Variants in CNIH3 observed in about 807,000 individuals in gnomAD.
CNIH3 encodes the protein protein cornichon homolog 3.
A neutral mutation model predicts 24.1 loss-of-function variants in CNIH3; 14 were observed. The ratio of observed to expected loss-of-function variants is 0.58; its 90% CI spans 0.38 to 0.91. The LOEUF is 0.91. Ranked by LOEUF, CNIH3 falls within the 40% of genes least tolerant of loss-of-function variation. CNIH3 has a pLI of 0.00. For synonymous variants in CNIH3, 68 were observed against 73.8 expected (o/e 0.92, Z 0.40); for missense variants, 178 against 196.8 (o/e 0.90, Z 0.57).
At position 224,704,205 on chromosome 1, in the gene CNIH3, A is replaced by C. The variant is rs985123251; in HGVS notation, c.198+19362A>C. Among the ~76,000 whole-genome samples, 3 of 151,244 alleles carry C rather than the reference A, an allele frequency of 2.0e-5. No homozygotes were observed. The highest frequency in any genetic ancestry group is 1.5e-5 in the Non-Finnish European group (1 of 68,034). ...ACAGAGCAGGACCTCCATGAGTCTC[A>C]GGTCATCAAAGAGGAGTGGAGACAC... On this transcript the variant is annotated intron_variant, in intron 3 of 5. Coordinates refer to ENST00000272133, the MANE Select transcript of CNIH3 (RefSeq NM_152495.2). This position sits in a 1 kb window ranked among gnomAD's most constrained non-coding sequence, Gnocchi z 4.2.
intron 3 of CNIH3, among the ~76,000 whole-genome samples, chr1:224,565,058 C>T (rs1464021519): frequency 1.3e-5 from 2 of 152,160 alleles, no homozygotes; most frequent in Non-Finnish European, 2.9e-5. Flanking sequence ...CAGTTGATTC[C>T]ATTTATCACA....
intron 3 of CNIH3, among the ~76,000 whole-genome samples, chr1:224,692,526 C>T (rs552948818): frequency 6.6e-6 from 1 of 152,286 alleles, no homozygotes. Context: ...GAGAGACCAT[C>T]CTTGACGCAG....
intron 3 of CNIH3, among the ~76,000 whole-genome samples, chr1:224,549,113 G>A (rs1403005073): frequency 3.9e-5 from 6 of 151,986 alleles, no homozygotes; most frequent in African/African-American, 7.2e-5. Context: ...ATATCAGAGC[G>A]ATGATATTTC....
chr1:224,442,534 G>T (rs1222849158), intron 1 of CNIH3, among the ~76,000 whole-genome samples: 1 of 152,118 alleles, frequency 6.6e-6, no homozygotes, highest in East Asian at 1.9e-4. Context: ...GTGCCCAGTT[G>T]TTCCATTCTT....
At chr1:224,438,130 T>C (rs558523125) in intron 1 of CNIH3, among the ~76,000 whole-genome samples, 1 of 152,228 alleles carries the variant, frequency 6.6e-6, no homozygotes, top group East Asian at 1.9e-4. Flanking sequence ...TTCACCGTGT[T>C]AGCCAAGATG....
rs374459851 is a variant in CNIH3, at chr1:224,681,036, G to A, written c.150+10G>A. On this transcript the variant is annotated intron_variant, in intron 2 of 5. Coordinates refer to ENST00000272133, the MANE Select transcript of CNIH3 (RefSeq NM_152495.2). ...CAATCCTGTTCATGCGGTAAGTGGC[G>A]GGTACTGGTGAGGGGAAGGTGCTAT... 39 of 1,613,188 alleles carry A rather than the reference G, an allele frequency of 2.4e-5. No individual in the cohort carries two copies. The highest frequency in any genetic ancestry group is 1.7e-4 in the Middle Eastern group (1 of 6,060).
chr1:224,638,861 GC>G (rs1165943780), intron 1 of CNIH3, among the ~76,000 whole-genome samples: 1 of 152,124 alleles, frequency 6.6e-6, no homozygotes, highest in African/African-American at 2.4e-5. Flanking sequence ...CCTGTAACAT[GC>G]CATTATTTAT....
At chr1:224,547,158 G>A (rs1184906265) in intron 3 of CNIH3, among the ~76,000 whole-genome samples, 1 of 152,220 alleles carries the variant, frequency 6.6e-6, no homozygotes, top group African/African-American at 2.4e-5. Context: ...CAATTTGGCA[G>A]ATGACTGGGG....
chr1:224,606,111 T>C (rs1682408161), intron 3 of CNIH3, among the ~76,000 whole-genome samples: 1 of 152,098 alleles, frequency 6.6e-6, no homozygotes, highest in African/African-American at 2.4e-5. Context: ...CTGTGTGGTC[T>C]CGCGGCAGTG....
At chr1:224,716,621 C>A (rs1481866118) in intron 3 of CNIH3, among the ~76,000 whole-genome samples, 2 of 151,980 alleles carry the variant, frequency 1.3e-5, no homozygotes, top group Middle Eastern at 6.8e-3. Context: ...GAATGGGGTA[C>A]AGTGTGGGGA....
At chr1:224,515,173 C>T (rs1030265742), upstream of CNIH3, among the ~76,000 whole-genome samples, 4 of 152,114 alleles carry the variant, frequency 2.6e-5, no homozygotes, top group African/African-American at 4.8e-5. Flanking sequence ...AGGGTCTGGG[C>T]GGGGGTCTAG....
chr1:224,570,109 TA>T (rs1279556328), intron 4 of CNIH3, among the ~76,000 whole-genome samples: 12 of 152,176 alleles, frequency 7.9e-5, no homozygotes, highest in Non-Finnish European at 1.3e-4. Context: ...TGGATATGGA[TA>T]CTTATGTTTC....
chr1:224,700,777 C>G (rs923460693), intron 3 of CNIH3, among the ~76,000 whole-genome samples: 2 of 152,156 alleles, frequency 1.3e-5, no homozygotes, highest in African/African-American at 4.8e-5. Context: ...GAGCCTGTCC[C>G]CTGGACCTAG....
intron 1 of CNIH3, among the ~76,000 whole-genome samples, chr1:224,517,928 C>T (rs886284019): frequency 6.6e-6 from 1 of 152,044 alleles, no homozygotes; most frequent in Admixed American, 6.6e-5. Flanking sequence ...ATGGGGGTGC[C>T]TTGAGGAGGG....
chr1:224,690,825 G>A (rs1029058799), intron 3 of CNIH3, among the ~76,000 whole-genome samples: 4 of 152,198 alleles, frequency 2.6e-5, no homozygotes, highest in African/African-American at 9.7e-5. Flanking sequence ...GAGCCTGCTG[G>A]GAAGGGGCAG....
chr1:224,524,418 C>T (rs1678764368), intron 2 of CNIH3, among the ~76,000 whole-genome samples: 1 of 152,178 alleles, frequency 6.6e-6, no homozygotes, highest in Admixed American at 6.5e-5. Context: ...GTCTTATATA[C>T]TGAGTGTGTT....
intron 1 of CNIH3, among the ~76,000 whole-genome samples, chr1:224,465,772 A>T (rs1420197857): frequency 6.6e-6 from 1 of 152,220 alleles, no homozygotes; most frequent in Non-Finnish European, 1.5e-5. Context: ...TCACGCCTGT[A>T]ACCACAGCAC....
intron 1 of CNIH3, among the ~76,000 whole-genome samples, chr1:224,654,763 T>C (rs920376290): frequency 2.6e-5 from 4 of 152,162 alleles, no homozygotes; most frequent in Non-Finnish European, 5.9e-5. Flanking sequence ...AGATTTTTAA[T>C]AAAAAATACC....
rs1429922930 is a variant in CNIH3, at chr1:224,506,277, G to GCC, written n.204-9463_204-9462insCC. ...CACTCATATGCACGCACACGCGCGC[G>GCC]CGCGCGCGCGCACACACACACACAC... On this transcript the variant is annotated intron_variant and non_coding_transcript_variant, in intron 1 of 5. Transcript: ENST00000471578. Among the ~76,000 whole-genome samples, 12 of 48,346 alleles carry GCC rather than the reference G, an allele frequency of 2.5e-4. No homozygotes were observed. The Admixed American group carries it at 3.9e-3, about 16-fold the overall frequency. 31.7% of individuals were successfully genotyped at this position (48,346 alleles called of 152,430 possible).
Sources: gnomAD v4.1 joint callset for allele counts (sites outside exome capture counted in the v4.1 genomes callset) on GRCh38, gnomAD v4.1.1 for gene constraint, Gnocchi (gnomAD v3.1) non-coding constraint, MANE v1.5 for transcripts, NCBI Gene and HGNC (gene_info 2026-07-23, HGNC 2026-07-21) for gene names.